DLGAP2: variants seen among roughly 807,000 people sequenced by gnomAD.
DLGAP2 encodes the protein DLG associated protein 2.
A neutral mutation model predicts 100.3 loss-of-function variants in DLGAP2; 26 were observed. That is an observed-to-expected ratio of 0.26 (90% CI 0.19 to 0.36). The LOEUF (loss-of-function observed/expected upper bound fraction) is 0.36, where lower values mean the gene tolerates loss of function less well. Among genes scored for constraint, DLGAP2 ranks in the 10% least tolerant of loss-of-function variants. DLGAP2 has a pLI of 1.00. For synonymous variants in DLGAP2, 886 were observed against 630.1 expected, an observed-to-expected ratio of 1.41 and a Z score of -6.08; for missense variants, 1,858 against 1,453.2, an observed-to-expected ratio of 1.28 and a Z score of -4.53.
intron 2 of DLGAP2, among the ~76,000 whole-genome samples, chr8:1,108,566 T>A (rs1177664214): frequency 1.4e-5 from 2 of 143,224 alleles, no homozygotes; most frequent in East Asian, 4.2e-4. Flanking sequence ...GTGTGCTGGG[T>A]CTGTGAGGTG....
chr8:1,306,701 C>G (rs1438758865), intron 3 of DLGAP2, among the ~76,000 whole-genome samples: 1 of 152,134 alleles, frequency 6.6e-6, no homozygotes, highest in African/African-American at 2.4e-5. Flanking sequence ...TCACAGACAT[C>G]TAGACTAATG....
chr8:1,163,049 G>T (rs936064477), intron 2 of DLGAP2, among the ~76,000 whole-genome samples: 1 of 152,132 alleles, frequency 6.6e-6, no homozygotes, highest in East Asian at 1.9e-4. Flanking sequence ...GTGAGGCCCT[G>T]GAGTGTGAAC....
intron 4 of DLGAP2, among the ~76,000 whole-genome samples, chr8:1,537,771 AAGG>A (rs2130478545): frequency 6.6e-6 from 1 of 152,140 alleles, no homozygotes; most frequent in Non-Finnish European, 1.5e-5. Context: ...GGAAGGAAGG[AAGG>A]AAGGAAGGAA....
At chr8:1,656,837 A>G (rs1798296378) in intron 8 of DLGAP2, among the ~76,000 whole-genome samples, 1 of 152,220 alleles carries the variant, frequency 6.6e-6, no homozygotes, top group South Asian at 2.1e-4. Flanking sequence ...GAGGCAAAGC[A>G]TGTTACACAG....
chr8:1,135,325 A>G (rs986197783), intron 2 of DLGAP2, among the ~76,000 whole-genome samples: 9 of 152,152 alleles, frequency 5.9e-5, no homozygotes, highest in African/African-American at 2.2e-4. Context: ...TTCAGGACAC[A>G]GTTTCATAAA....
chr8:1,501,334 A>G, intron 3 of DLGAP2, 32 bp from the exon 4 acceptor site: 1 of 1,535,790 alleles, frequency 6.5e-7, no homozygotes, highest in Non-Finnish European at 8.7e-7. Flanking sequence ...CCAGAAACGC[A>G]TTAAAGAGTG....
chr8:1,446,772 C>T (rs1000191511), intron 3 of DLGAP2, among the ~76,000 whole-genome samples: 3 of 152,088 alleles, frequency 2.0e-5, no homozygotes, highest in Non-Finnish European at 4.4e-5. Flanking sequence ...TTTCATTGAG[C>T]AGTGGTTTTT....
intron 4 of DLGAP2, among the ~76,000 whole-genome samples, chr8:1,502,297 G>T (rs1799749457): frequency 6.6e-6 from 1 of 152,230 alleles, no homozygotes; most frequent in African/African-American, 2.4e-5. Context: ...ATATTTAAAT[G>T]TACATTTTTA....
At chr8:1,131,910 C>A (rs975722992) in intron 2 of DLGAP2, among the ~76,000 whole-genome samples, 5 of 152,104 alleles carry the variant, frequency 3.3e-5, no homozygotes, top group African/African-American at 7.2e-5. Flanking sequence ...TTGACAGATA[C>A]CTTAATTAGA....
intron 2 of DLGAP2, among the ~76,000 whole-genome samples, chr8:1,196,590 C>G (rs1260658962): frequency 6.6e-6 from 1 of 152,190 alleles, no homozygotes; most frequent in Admixed American, 6.5e-5. Flanking sequence ...CTGTCATCAC[C>G]AACAGCACTT....
chr8:1,648,237 C>A (rs1395319111), intron 8 of DLGAP2, among the ~76,000 whole-genome samples: 1 of 152,218 alleles, frequency 6.6e-6, no homozygotes, highest in African/African-American at 2.4e-5. Flanking sequence ...CTCCACTGTG[C>A]TCGGCTGTTA....
chr8:1,501,618 C>G (rs1799726407), intron 4 of DLGAP2, among the ~76,000 whole-genome samples, 187 bp downstream of exon 4: 1 of 152,176 alleles, frequency 6.6e-6, no homozygotes, highest in East Asian at 1.9e-4. Context: ...TACGGAAGTG[C>G]TAGGTGAGGA....
rs982632435 is a variant in DLGAP2, at chr8:1,336,523, G to A, written c.106+77640G>A. Among the ~76,000 whole-genome samples the A allele has an allele frequency of 3.3e-5, 5 of 152,164 alleles. No homozygotes were observed. The East Asian group carries it at 7.7e-4, about 24-fold the overall frequency. On this transcript the variant is annotated intron_variant, in intron 3 of 14. Transcript: ENST00000637795. ...ACTGAAACACACGCAACTCTGTGCC[G>A]GAAGCCTTTCCCAGCACAGGAAGGA... is the stretch of plus-strand genomic sequence containing the variant.
chr8:1,650,514 G>A (rs1482734287), intron 8 of DLGAP2, among the ~76,000 whole-genome samples: 1 of 152,144 alleles, frequency 6.6e-6, no homozygotes, highest in East Asian at 1.9e-4. Flanking sequence ...TATCTGTGAG[G>A]GTATTCTAAA....
At chr8:1,540,658 T>C (rs1455234428) in intron 4 of DLGAP2, among the ~76,000 whole-genome samples, 1 of 152,228 alleles carries the variant, frequency 6.6e-6, no homozygotes, top group South Asian at 2.1e-4. Context: ...TGCCGGGAGC[T>C]GGACGCATGC....
chr8:791,835 G>A (rs999865095), intron 1 of DLGAP2, among the ~76,000 whole-genome samples: 2 of 152,120 alleles, frequency 1.3e-5, no homozygotes, highest in Admixed American at 6.5e-5. Flanking sequence ...ACGCACGCTC[G>A]CTCTCCTGTT....
At chr8:1,148,422 T>C (rs1796642480) in intron 2 of DLGAP2, among the ~76,000 whole-genome samples, 1 of 149,714 alleles carries the variant, frequency 6.7e-6, no homozygotes, top group Non-Finnish European at 1.5e-5. Context: ...ATTTTGTTGA[T>C]TTTTTTCCCT....
At chr8:1,219,649 T>A (rs1254087979) in intron 2 of DLGAP2, among the ~76,000 whole-genome samples, 4 of 152,162 alleles carry the variant, frequency 2.6e-5, no homozygotes, top group Admixed American at 1.3e-4. Flanking sequence ...TAGGGAGAAG[T>A]CCCTCCTCCT....
intron 3 of DLGAP2, among the ~76,000 whole-genome samples, chr8:1,347,097 A>T (rs1366805786): frequency 7.3e-6 from 1 of 136,734 alleles, no homozygotes; most frequent in African/African-American, 2.8e-5. Context: ...CATTGTAGCT[A>T]TGTGGAGTTT....
Sources: gnomAD v4.1 joint callset for allele counts (sites outside exome capture counted in the v4.1 genomes callset) on GRCh38, gnomAD v4.1.1 for gene constraint, MANE v1.5 for transcripts, NCBI Gene and HGNC (gene_info 2026-07-23, HGNC 2026-07-21) for gene names.